BMP1: variants seen among roughly 807,000 people sequenced by gnomAD.
BMP1 encodes mammalian tolloid protein.
BMP1 carries 63 observed loss-of-function variants against 116.8 expected under a neutral mutation model. The ratio of observed to expected loss-of-function variants is 0.54; its 90% CI spans 0.44 to 0.67. BMP1 has a LOEUF of 0.67. Ranked by LOEUF, BMP1 falls within the 30% of genes least tolerant of loss-of-function variation. The pLI is 0.00. For synonymous variants in BMP1, 536 were observed against 533.4 expected (o/e 1.00, Z -0.07); for missense variants, 1,183 against 1,358.9 (o/e 0.87, Z 2.04).
In BMP1 at chr8:22,210,367, CTTT is replaced by C. The variant is rs1198888155; in HGVS notation, c.2826+689_2826+691del. 6.9e-3 allele frequency among the ~76,000 whole-genome samples: 816 copies of C among 118,402 alleles called. 2 individuals carry two copies. Among genetic ancestry groups the C allele is most frequent in the African/African-American group, 0.024 (719 of 30,062 alleles). The allele number at this position is 118,402 out of a possible 152,430, so 77.7% of individuals were successfully genotyped here. A position where few individuals can be genotyped will look rare whatever the true frequency, so the allele number is the denominator to read the frequency against. ...TAAGAGCTTGCAGCTGCCTCTTCTT[CTTT>C]TTTTTTTTTTTTTTTTGTCCTTTCC... On this transcript the variant is annotated intron_variant, in intron 19 of 19. Transcript: ENST00000306385.
chr8:22,189,668 T>C, intron 8 of BMP1, among the ~76,000 whole-genome samples: 1 of 151,930 alleles, frequency 6.6e-6, no homozygotes, highest in East Asian at 1.9e-4. Flanking sequence ...GGTCTCACTG[T>C]GTTGCCCAGG....
chr8:22,201,007 C>CCCCCCCCA, intron 15 of BMP1: 7 of 489,680 alleles, frequency 1.4e-5, no homozygotes, highest in South Asian at 3.8e-5. Flanking sequence ...CACCCTGCCC[C>CCCCCCCCA]TCAGATCCAC....
chr8:22,167,613 C>G (rs956732783), intron 1 of BMP1, among the ~76,000 whole-genome samples: 2 of 152,124 alleles, frequency 1.3e-5, no homozygotes, highest in African/African-American at 4.8e-5. Context: ...AGGTTTCATG[C>G]TAGGGTGGGG....
At position 22,179,885 on chromosome 8, in the gene BMP1, G is replaced by C; in HGVS notation, c.961+56G>C. The C allele has an allele frequency of 6.5e-7, 1 of 1,538,398 alleles. No individual in the cohort carries two copies. Among genetic ancestry groups the C allele is most frequent in the Non-Finnish European group, 8.8e-7 (1 of 1,130,996 alleles). ...TGGAGGGCAGGGCCTGAGGGAGGCA[G>C]AGGCCAGGTGCCTGGTGCCACCAAG... is the stretch of plus-strand genomic sequence containing the variant. On this transcript the variant is annotated intron_variant, in intron 7 of 19. Coordinates refer to ENST00000306385, the MANE Select transcript of BMP1 (RefSeq NM_006129.5). The surrounding 1 kb of genome is among the most constrained non-coding windows in gnomAD (Gnocchi z 4.6).
chr8:22,176,403 C>A (rs896392132), intron 3 of BMP1, 90 bp downstream of exon 3: 6 of 1,552,696 alleles, frequency 3.9e-6, no homozygotes, highest in Non-Finnish European at 5.3e-6. Flanking sequence ...GTGGGTGCCA[C>A]CTGCAGCCCG....
chr8:22,202,692 T>C (rs1829289036), intron 16 of BMP1, among the ~76,000 whole-genome samples: 1 of 152,126 alleles, frequency 6.6e-6, no homozygotes, highest in Non-Finnish European at 1.5e-5. Context: ...TATTTTACTT[T>C]TAAACAGGTT....
At chr8:22,165,856 C>A (rs1044631146) in intron 1 of BMP1, among the ~76,000 whole-genome samples, 1 of 147,964 alleles carries the variant, frequency 6.8e-6, no homozygotes, top group Non-Finnish European at 1.5e-5. Context: ...CTGTAGGAAA[C>A]TTTTCTGGCC....
At chr8:22,181,845 G>A (rs776715505) in intron 8 of BMP1, among the ~76,000 whole-genome samples, 4 of 152,056 alleles carry the variant, frequency 2.6e-5, no homozygotes, top group African/African-American at 7.2e-5. Flanking sequence ...GTGAGCCACC[G>A]CATCTGGCCT....
chr8:22,200,401 C>G (rs1009619661), intron 15 of BMP1, among the ~76,000 whole-genome samples: 12 of 152,160 alleles, frequency 7.9e-5, no homozygotes, highest in African/African-American at 2.9e-4. Flanking sequence ...TGTGTCTGTG[C>G]CTGTGTGTGC....
chr8:22,197,769 C>T (rs561822235), intron 15 of BMP1, among the ~76,000 whole-genome samples: 31 of 152,294 alleles, frequency 2.0e-4, no homozygotes, highest in East Asian at 1.9e-3. Context: ...AGTTCAAGAA[C>T]GTGGGTGGAT....
chr8:22,204,312 G>T (rs915059813), intron 16 of BMP1, among the ~76,000 whole-genome samples: 1 of 152,148 alleles, frequency 6.6e-6, no homozygotes, highest in Non-Finnish European at 1.5e-5. Flanking sequence ...TGTTTTCCGG[G>T]CCCTCGTGCT....
chr8:22,167,668 C>G (rs975700476), intron 1 of BMP1, among the ~76,000 whole-genome samples: 1 of 152,170 alleles, frequency 6.6e-6, no homozygotes, highest in Admixed American at 6.5e-5. Flanking sequence ...AGAAAGCACT[C>G]CAACTGGGTG....
chr8:22,207,023 C>T (rs1829373034), intron 17 of BMP1, 42 bp downstream of exon 17: 1 of 1,608,494 alleles, frequency 6.2e-7, no homozygotes, highest in Non-Finnish European at 8.5e-7. Context: ...TGTGGCTGCC[C>T]CCGGTCAGAG....
intron 5 of BMP1, chr8:22,177,561 T>C: frequency 1.4e-6 from 1 of 736,372 alleles, no homozygotes; most frequent in Non-Finnish European, 2.5e-6. Flanking sequence ...CCTCCCTCTC[T>C]CCCAGGCGTT....
intron 4 of BMP1, 120 bp from the exon 5 acceptor site, chr8:22,176,841 C>G: frequency 2.0e-6 from 2 of 999,108 alleles, no homozygotes; most frequent in South Asian, 1.6e-5. Context: ...ACTCGGTGCT[C>G]AGGGCCCACC....
intron 8 of BMP1, 116 bp downstream of exon 8, chr8:22,180,599 A>T: frequency 1.1e-6 from 1 of 918,068 alleles, no homozygotes; most frequent in East Asian, 2.5e-5. Context: ...GCTACCGTAA[A>T]TGTATCAAGT....
chr8:22,210,468 T>TCA (rs1554488560), intron 19 of BMP1, among the ~76,000 whole-genome samples: 1 of 135,500 alleles, frequency 7.4e-6, no homozygotes, highest in Non-Finnish European at 1.5e-5. Flanking sequence ...TCTCTCTCTC[T>TCA]CACACACATA....
rs115885583 is a variant in BMP1 at position 22,196,409 on chromosome 8, A to G, written c.1766-271A>G. On this transcript the variant is annotated intron_variant, in intron 13 of 19. Transcript: ENST00000306385. ...CTTATTCCCGCTCACTCCCTCTTGG[A>G]GGACCTTGGCCTGTTCATTTGCAGA... The G allele has an allele frequency of 2.6e-3, 1,567 of 600,906 alleles. 15 individuals carry two copies. The African/African-American group carries it at 0.026, about 10-fold the overall frequency. 37.2% of individuals were successfully genotyped at this position (600,906 alleles called of 1,614,324 possible).
intron 16 of BMP1, among the ~76,000 whole-genome samples, 163 bp from the exon 17 acceptor site, chr8:22,206,691 A>C (rs962958540): frequency 1.3e-5 from 2 of 152,112 alleles, no homozygotes; most frequent in East Asian, 3.9e-4. Flanking sequence ...CCCCAGACGC[A>C]GTAACCTCAT....
Sources: allele counts gnomAD v4.1 joint callset (sites outside exome capture counted in the v4.1 genomes callset), GRCh38; gene constraint gnomAD v4.1.1; non-coding constraint Gnocchi (gnomAD v3.1); transcripts MANE v1.5; gene names NCBI Gene and HGNC (gene_info 2026-07-23, HGNC 2026-07-21).